Variants in SHISA9 observed in about 807,000 individuals in gnomAD.
SHISA9 encodes protein shisa-9.
SHISA9 carries 13 observed loss-of-function variants against 38.0 expected under a neutral mutation model. The observed-to-expected ratio is 0.34, with a 90% CI of 0.22 to 0.54. The LOEUF (loss-of-function observed/expected upper bound fraction) is 0.54. SHISA9 is among the 20% of genes least tolerant of loss of function. SHISA9 has a pLI of 0.91. For synonymous variants in SHISA9, 275 were observed against 242.0 expected, an observed-to-expected ratio of 1.14 and a Z score of -1.27; for missense variants, 538 against 575.8, an observed-to-expected ratio of 0.93 and a Z score of 0.67.
At chr16:13,387,177 G>A in the SHISA9 span, among the ~76,000 whole-genome samples, 1 of 152,130 alleles carries the variant, frequency 6.6e-6, no homozygotes. Context: ...TTTGTTATGG[G>A]TTGAACTGTG....
At chr16:12,934,884 C>G (rs1008002125) in intron 2 of SHISA9, among the ~76,000 whole-genome samples, 9 of 152,136 alleles carry the variant, frequency 5.9e-5, no homozygotes, top group African/African-American at 2.2e-4. Flanking sequence ...AAAGGGAAAT[C>G]TTTTGAAGAA....
At chr16:13,556,382 C>T in the SHISA9 span, among the ~76,000 whole-genome samples, 2 of 152,134 alleles carry the variant, frequency 1.3e-5, no homozygotes, top group African/African-American at 4.8e-5. Flanking sequence ...GTGAATCATT[C>T]CGCTTTTCAC....
chr16:13,212,624 AC>A lies in SHISA9; in HGVS notation c.848-627del, dbSNP rs537461342. ...TCTCGTTACCGTTTAGAATTTCCCT[AC>A]CTTAGAAAGGGTGACTCTGTGGATA... On this transcript the variant is annotated intron_variant, in intron 3 of 4. Coordinates refer to ENST00000558583, the MANE Select transcript of SHISA9 (RefSeq NM_001145204.3). Among the ~76,000 whole-genome samples the A allele has an allele frequency of 1.8e-4, 27 of 152,314 alleles. No homozygotes were observed. In the South Asian group the frequency reaches 5.2e-3, roughly 29 times the overall value.
intron 2 of SHISA9, among the ~76,000 whole-genome samples, chr16:13,016,390 A>G (rs577911749): frequency 1.3e-5 from 2 of 152,302 alleles, no homozygotes; most frequent in South Asian, 2.1e-4. Context: ...AGAGCCATCT[A>G]AATATTTGCT....
chr16:13,438,178 A>G, the SHISA9 span, among the ~76,000 whole-genome samples: 84 of 152,266 alleles, frequency 5.5e-4, no homozygotes, highest in African/African-American at 1.8e-3. Context: ...AGCACTTTTT[A>G]TACCATTTCA....
chr16:12,949,273 C>T (rs944058675), intron 2 of SHISA9, among the ~76,000 whole-genome samples: 1 of 152,248 alleles, frequency 6.6e-6, no homozygotes, highest in Admixed American at 6.5e-5. Context: ...GAGGTCTCCA[C>T]TGGAGCCCAG....
At chr16:13,126,680 A>G (rs1204050876) in intron 2 of SHISA9, among the ~76,000 whole-genome samples, 1 of 148,636 alleles carries the variant, frequency 6.7e-6, no homozygotes, top group Non-Finnish European at 1.5e-5. Flanking sequence ...AGAGAGAGAG[A>G]GACTGAGGGA....
chr16:13,403,281 A>G, the SHISA9 span, among the ~76,000 whole-genome samples: 1 of 152,256 alleles, frequency 6.6e-6, no homozygotes, highest in African/African-American at 2.4e-5. Flanking sequence ...TCCCTGCTGC[A>G]TGATCAGAAA....
the SHISA9 span, among the ~76,000 whole-genome samples, chr16:13,448,564 T>C: frequency 1.3e-5 from 2 of 152,260 alleles, no homozygotes; most frequent in Admixed American, 6.5e-5. Context: ...GGAAGCCATC[T>C]GTGGCCCTGC....
At chr16:13,543,040 A>G in the SHISA9 span, among the ~76,000 whole-genome samples, 1 of 152,144 alleles carries the variant, frequency 6.6e-6, no homozygotes, top group Admixed American at 6.5e-5. Flanking sequence ...CTGATTTCCA[A>G]CGTTTTCTCC....
At chr16:13,429,547 T>C in the SHISA9 span, among the ~76,000 whole-genome samples, 135 of 152,206 alleles carry the variant, frequency 8.9e-4, 1 homozygote, top group Non-Finnish European at 8.1e-4. Flanking sequence ...ACCAGTCATA[T>C]TGGATTACAG....
chr16:13,043,112 G>A (rs931211423), intron 2 of SHISA9, among the ~76,000 whole-genome samples: 1 of 152,182 alleles, frequency 6.6e-6, no homozygotes, highest in Non-Finnish European at 1.5e-5. Context: ...GTCACTCAAG[G>A]ACCCAGGATG....
chr16:13,557,707 T>G, the SHISA9 span, among the ~76,000 whole-genome samples: 1 of 152,124 alleles, frequency 6.6e-6, no homozygotes, highest in East Asian at 1.9e-4. Context: ...TCAAGGACTT[T>G]TGCAACAAGA....
At chr16:13,350,759 G>A in the SHISA9 span, 1 of 152,184 alleles carries the variant, frequency 6.6e-6, no homozygotes, top group African/African-American at 2.4e-5. Context: ...AAGAAAGAGT[G>A]AGGAAAAAAC....
intron 1 of SHISA9, among the ~76,000 whole-genome samples, chr16:12,912,946 C>T (rs2071205641): frequency 6.6e-6 from 1 of 152,104 alleles, no homozygotes; most frequent in African/African-American, 2.4e-5. Context: ...ATGCTCTTCC[C>T]ATCATCTTCA....
chr16:13,200,851 C>A (rs1185272891), intron 2 of SHISA9, among the ~76,000 whole-genome samples: 1 of 135,508 alleles, frequency 7.4e-6, no homozygotes, highest in African/African-American at 2.9e-5. Context: ...AATACTGTCC[C>A]TAACCTCATG....
intron 1 of SHISA9, among the ~76,000 whole-genome samples, chr16:12,912,288 G>A (rs2071195075): frequency 6.6e-6 from 1 of 152,194 alleles, no homozygotes; most frequent in East Asian, 1.9e-4. Context: ...CTGGGGAAAA[G>A]TGTCCTTGGA....
At chr16:13,527,796 G>A in the SHISA9 span, among the ~76,000 whole-genome samples, 1 of 152,088 alleles carries the variant, frequency 6.6e-6, no homozygotes, top group Non-Finnish European at 1.5e-5. Context: ...TCTGTTACTG[G>A]CAACCAAAGG....
At chr16:13,061,068 A>G (rs2073369854) in intron 2 of SHISA9, among the ~76,000 whole-genome samples, 1 of 152,116 alleles carries the variant, frequency 6.6e-6, no homozygotes, top group Non-Finnish European at 1.5e-5. Flanking sequence ...GACTGAAGGA[A>G]CTGGTATACC....
Sources: gnomAD v4.1 joint callset for allele counts (sites outside exome capture counted in the v4.1 genomes callset) on GRCh38, gnomAD v4.1.1 for gene constraint, MANE v1.5 for transcripts, NCBI Gene and HGNC (gene_info 2026-07-23, HGNC 2026-07-21) for gene names.